Variants in UPRT observed in about 807,000 individuals in gnomAD.
UPRT encodes the protein uracil phosphoribosyltransferase homolog.
UPRT carries 5 observed loss-of-function variants against 22.6 expected under a neutral mutation model. That is an observed-to-expected ratio of 0.22 (90% CI 0.12 to 0.47). The LOEUF (loss-of-function observed/expected upper bound fraction) is 0.47. Ranked by LOEUF, UPRT falls within the 20% of genes least tolerant of loss-of-function variation. The pLI is 0.99. For synonymous variants in UPRT, 77 were observed against 87.7 expected, an observed-to-expected ratio of 0.88 and a Z score of 0.68; for missense variants, 181 against 239.9, an observed-to-expected ratio of 0.75 and a Z score of 1.62.
intron 4 of UPRT, among the ~76,000 whole-genome samples, chrX:75,236,385 A>G (rs990980705): frequency 9.0e-6 from 1 of 111,686 alleles, no homozygotes; most frequent in Non-Finnish European, 1.9e-5. Flanking sequence ...AAGGTAATTT[A>G]CAGATTCAAT....
At chrX:75,185,166 A>C (rs1411936892) in intron 4 of UPRT, among the ~76,000 whole-genome samples, 2 of 111,750 alleles carry the variant, frequency 1.8e-5, no homozygotes, top group Non-Finnish European at 1.9e-5. Flanking sequence ...TTTGTCATAG[A>C]TAGCTCTTAT....
intron 4 of UPRT, among the ~76,000 whole-genome samples, chrX:75,227,683 A>G (rs1292888794): frequency 8.9e-6 from 1 of 112,743 alleles, no homozygotes; most frequent in African/African-American, 3.2e-5. Context: ...GAAATACTGT[A>G]AAAGAAGCCA....
At chrX:75,162,372 G>C (rs2082202629) in intron 2 of UPRT, among the ~76,000 whole-genome samples, 1 of 111,372 alleles carries the variant, frequency 9.0e-6, no homozygotes, top group Non-Finnish European at 1.9e-5. Flanking sequence ...TATCTGTGTG[G>C]CATGTAGACC....
intron 4 of UPRT, among the ~76,000 whole-genome samples, chrX:75,178,950 G>A (rs1036887689): frequency 1.8e-5 from 2 of 111,853 alleles, no homozygotes; most frequent in Non-Finnish European, 3.8e-5. Flanking sequence ...CAAGTGGCCT[G>A]TTTTGACAGG....
At chrX:75,194,843 G>C (rs2082328351) in intron 4 of UPRT, among the ~76,000 whole-genome samples, 1 of 111,103 alleles carries the variant, frequency 9.0e-6, no homozygotes, top group Admixed American at 9.6e-5. Flanking sequence ...ACAGTGCATG[G>C]GTGGGGACAT....
intron 4 of UPRT, among the ~76,000 whole-genome samples, chrX:75,220,229 T>C (rs2082405615): frequency 9.0e-6 from 1 of 111,347 alleles, no homozygotes; most frequent in Admixed American, 9.6e-5. Flanking sequence ...CTACACTTGT[T>C]CTTTTTTGGT....
chrX:75,261,142 G>A (rs942251222), intron 4 of UPRT, among the ~76,000 whole-genome samples: 2 of 111,731 alleles, frequency 1.8e-5, no homozygotes, highest in Non-Finnish European at 3.8e-5. Context: ...ATGCCCACAA[G>A]AGAAAGCAGG....
intron 4 of UPRT, among the ~76,000 whole-genome samples, chrX:75,171,708 G>T (rs985159073): frequency 9.1e-6 from 1 of 109,950 alleles, no homozygotes; most frequent in Non-Finnish European, 1.9e-5. Flanking sequence ...ATTTGGGTAG[G>T]CTATGTCATA....
intron 1 of UPRT, among the ~76,000 whole-genome samples, chrX:75,276,428 T>A (rs2082632073): frequency 9.0e-6 from 1 of 111,626 alleles, no homozygotes; most frequent in Non-Finnish European, 1.9e-5. Context: ...TTTTAATGAA[T>A]CAATATTGAA....
intron 4 of UPRT, among the ~76,000 whole-genome samples, chrX:75,193,072 G>A (rs1036599169): frequency 4.5e-5 from 5 of 111,963 alleles, no homozygotes; most frequent in East Asian, 5.6e-4. Context: ...CCTGGTCTAC[G>A]TACTTAAGTA....
chrX:75,170,130 G>A (rs149121923), intron 4 of UPRT, among the ~76,000 whole-genome samples: 2,223 of 106,309 alleles, frequency 0.021, 68 homozygotes, highest in African/African-American at 0.073. Context: ...TCCGCCTCCC[G>A]GGTTCAAGCG....
chrX:75,303,810 A>G lies in UPRT; in HGVS notation c.*299A>G. 2 of 163,991 alleles carry G rather than the reference A, an allele frequency of 1.2e-5. No homozygotes were observed. Among genetic ancestry groups the G allele is most frequent in the Non-Finnish European group, 2.2e-5 (2 of 89,224 alleles). 13.5% of individuals were successfully genotyped at this position (163,991 alleles called of 1,213,427 possible). A position where few individuals can be genotyped will look rare whatever the true frequency, so the allele number is the denominator to read the frequency against. ...CTAATTTATGAGCCTCTTAGTTTGG[A>G]GGTTGCTTGAAGCCACAAATAAAAC... On this transcript the variant is annotated 3_prime_UTR_variant, in exon 7 of 7. Transcript: ENST00000373383.
intron 4 of UPRT, among the ~76,000 whole-genome samples, chrX:75,264,631 G>T (rs2082580992): frequency 9.0e-6 from 1 of 110,815 alleles, no homozygotes; most frequent in Admixed American, 9.6e-5. Context: ...GATGGGTCTT[G>T]ACTCTTTATC....
intron 4 of UPRT, among the ~76,000 whole-genome samples, chrX:75,194,006 G>C (rs1272145843): frequency 8.9e-6 from 1 of 112,057 alleles, no homozygotes; most frequent in African/African-American, 3.2e-5. Flanking sequence ...GAAGTAGTAT[G>C]GTCATTTGGA....
At position 75,297,686 on chromosome X, in the gene UPRT, G is replaced by A; in HGVS notation, c.562+133G>A. 5.6e-6 allele frequency: 4 copies of A among 715,081 alleles called. No homozygotes were observed. In the South Asian group the frequency reaches 7.4e-5, roughly 13 times the overall value. 58.9% of individuals were successfully genotyped at this position (715,081 alleles called of 1,213,427 possible). ...TAAATCTCACTACCTGTGTTATCTA[G>A]CCTCATGGTGCTGTGGAGTCATGGC... On this transcript the variant is annotated intron_variant, in intron 4 of 6. Transcript: ENST00000373383.
chrX:75,277,425 T>C (rs774109712), intron 1 of UPRT, among the ~76,000 whole-genome samples: 14 of 110,111 alleles, frequency 1.3e-4, no homozygotes, highest in Admixed American at 1.3e-3. Context: ...TTTTTTCCTC[T>C]AAGTTTGGAA....
At chrX:75,248,269 G>C (rs1192948705) in intron 4 of UPRT, among the ~76,000 whole-genome samples, 2 of 111,520 alleles carry the variant, frequency 1.8e-5, no homozygotes, top group Admixed American at 9.6e-5. Context: ...CCGAGCTAAA[G>C]GAGGAAGTTC....
chrX:75,219,173 G>T (rs2082402849), intron 4 of UPRT, among the ~76,000 whole-genome samples: 1 of 111,956 alleles, frequency 8.9e-6, no homozygotes, highest in African/African-American at 3.2e-5. Context: ...CTGCCTAACA[G>T]CTCATTTCAT....
At chrX:75,185,954 G>A (rs2082289043) in intron 4 of UPRT, among the ~76,000 whole-genome samples, 1 of 108,332 alleles carries the variant, frequency 9.2e-6, no homozygotes, top group African/African-American at 3.3e-5. Flanking sequence ...CAATTTTGTT[G>A]ATCCTTTCAA....
Sources: allele counts gnomAD v4.1 joint callset (sites outside exome capture counted in the v4.1 genomes callset), GRCh38; gene constraint gnomAD v4.1.1; transcripts MANE v1.5; gene names NCBI Gene and HGNC (gene_info 2026-07-23, HGNC 2026-07-21).